Variants in BTBD9 observed in about 807,000 individuals in gnomAD.
The protein encoded by BTBD9 is BTB/POZ domain-containing protein 9.
In BTBD9, 49 loss-of-function variants were observed where a neutral mutation model predicts 64.3. That is an observed-to-expected ratio of 0.76 (90% CI 0.61 to 0.97). The LOEUF (loss-of-function observed/expected upper bound fraction) is 0.97. BTBD9 is among the 50% of genes least tolerant of loss of function. The probability of loss-of-function intolerance (pLI) is 0.00; values close to 1 mark genes in which losing one functional copy is unlikely to be tolerated. For missense variants in BTBD9, 598 were observed against 762.1 expected (o/e 0.78, Z 2.53); for synonymous variants, 260 against 274.7 (o/e 0.95, Z 0.53).
intron 6 of BTBD9, among the ~76,000 whole-genome samples, chr6:38,393,247 T>C (rs1246447364): frequency 6.6e-6 from 1 of 152,204 alleles, no homozygotes; most frequent in Admixed American, 6.5e-5. Context: ...TGTAGCCATA[T>C]TTAAGGCTAT....
chr6:38,584,579 C>T (rs1312775043), intron 4 of BTBD9, among the ~76,000 whole-genome samples: 4 of 152,054 alleles, frequency 2.6e-5, no homozygotes, highest in Non-Finnish European at 5.9e-5. Context: ...TATCTTTTAT[C>T]GAACTCTCTA....
At chr6:38,533,282 T>C (rs904463569) in intron 6 of BTBD9, among the ~76,000 whole-genome samples, 13 of 151,838 alleles carry the variant, frequency 8.6e-5, no homozygotes, top group Non-Finnish European at 1.8e-4. Flanking sequence ...TCAGACAAAA[T>C]AGATTTCAAG....
chr6:38,489,129 C>G (rs1771586938), intron 6 of BTBD9, among the ~76,000 whole-genome samples: 1 of 152,106 alleles, frequency 6.6e-6, no homozygotes, highest in South Asian at 2.1e-4. Flanking sequence ...TTCCTGGGCT[C>G]AAGTGATCCA....
intron 7 of BTBD9, among the ~76,000 whole-genome samples, chr6:38,298,150 T>C (rs937815499): frequency 3.3e-5 from 5 of 152,176 alleles, no homozygotes; most frequent in African/African-American, 1.2e-4. Flanking sequence ...CCACCACACC[T>C]GGCCTCTGCT....
intron 6 of BTBD9, among the ~76,000 whole-genome samples, chr6:38,501,940 G>A (rs531200172): frequency 4.1e-4 from 62 of 152,252 alleles, no homozygotes; most frequent in Non-Finnish European, 7.5e-4. Flanking sequence ...GACATATCCT[G>A]CATAAACAAA....
At position 38,491,727 on chromosome 6, in the gene BTBD9, C is replaced by T. The variant is rs149193170; in HGVS notation, c.1154+85873G>A. On this transcript the variant is annotated intron_variant, in intron 6 of 10. Transcript: ENST00000481247. ...AATCTCATTCTCAAATGAGAAGAAA[C>T]CACAAAGCAATGAGGCAATGAAGGA... is the stretch of plus-strand genomic sequence containing the variant. 2.5e-3 allele frequency among the ~76,000 whole-genome samples: 384 copies of T among 151,986 alleles called. 4 individuals are homozygous for T. Among genetic ancestry groups the T allele is most frequent in the African/African-American group, 8.3e-3 (344 of 41,468 alleles).
chr6:38,386,242 T>C (rs1766163040), intron 6 of BTBD9, among the ~76,000 whole-genome samples: 3 of 152,228 alleles, frequency 2.0e-5, no homozygotes, highest in African/African-American at 4.8e-5. Flanking sequence ...GAAATCTTCA[T>C]GTCAGAATAA....
intron 1 of BTBD9, among the ~76,000 whole-genome samples, chr6:38,633,534 A>G (rs1778429757): frequency 6.6e-6 from 1 of 152,220 alleles, no homozygotes; most frequent in South Asian, 2.1e-4. Context: ...TCAAGAAAAT[A>G]GGGACACAGA....
chr6:38,394,435 T>C (rs1351091973), intron 6 of BTBD9, among the ~76,000 whole-genome samples: 1 of 152,070 alleles, frequency 6.6e-6, no homozygotes, highest in Non-Finnish European at 1.5e-5. Flanking sequence ...AAGTTTTTTG[T>C]GGCAAGAAAG....
chr6:38,240,655 A>G (rs1287398112), intron 9 of BTBD9, among the ~76,000 whole-genome samples: 1 of 152,232 alleles, frequency 6.6e-6, no homozygotes, highest in Non-Finnish European at 1.5e-5. Flanking sequence ...AGAAATTCAT[A>G]AAGTTAATTA....
At chr6:38,295,315 C>T (rs1762118477) in intron 7 of BTBD9, among the ~76,000 whole-genome samples, 1 of 152,002 alleles carries the variant, frequency 6.6e-6, no homozygotes, top group Admixed American at 6.6e-5. Flanking sequence ...TAGGCAGGTG[C>T]CATCATGCCT....
chr6:38,396,083 A>T (rs1353043738), intron 6 of BTBD9, among the ~76,000 whole-genome samples: 1 of 152,196 alleles, frequency 6.6e-6, no homozygotes, highest in Non-Finnish European at 1.5e-5. Flanking sequence ...ATTTAAGATG[A>T]GAGGAAGGTG....
chr6:38,580,306 C>T lies in BTBD9; in HGVS notation c.946G>A (p.Asp316Asn). ...ATCTCGATGCCGGAACGGCAGTCAT[C>T]ATCAATTGGGTGCCTTGAAAATCCA... is the stretch of plus-strand genomic sequence containing the variant. ...DHGFSRHPIDDDCRSGIEIKL... is the reference protein window; with the variant it reads ...DHGFSRHPIDNDCRSGIEIKL... The change falls in exon 5 of 11, where the codon GAT (aspartate) becomes AAT (asparagine). Residue 316 changes from aspartate to asparagine, a missense_variant. Coordinates refer to ENST00000481247, the MANE Select transcript of BTBD9 (RefSeq NM_001099272.2). The T allele has an allele frequency of 6.2e-7, 1 of 1,614,228 alleles. No individual in the cohort carries two copies. The highest frequency in any genetic ancestry group is 8.5e-7 in the Non-Finnish European group (1 of 1,180,048).
intron 6 of BTBD9, among the ~76,000 whole-genome samples, chr6:38,506,334 A>G (rs573563644): frequency 6.6e-6 from 1 of 152,196 alleles, no homozygotes; most frequent in African/African-American, 2.4e-5. Context: ...ATTAGCCTAC[A>G]GTTGGGCAAA....
chr6:38,433,700 T>G (rs1442990301), intron 6 of BTBD9, among the ~76,000 whole-genome samples: 2 of 152,080 alleles, frequency 1.3e-5, no homozygotes, highest in East Asian at 3.9e-4. Flanking sequence ...ACACAAAGCC[T>G]GTTGGTGGTC....
At chr6:38,188,672 G>T (rs766968330) in intron 10 of BTBD9, among the ~76,000 whole-genome samples, 17 of 152,230 alleles carry the variant, frequency 1.1e-4, no homozygotes, top group Non-Finnish European at 2.2e-4. Context: ...ACTGATGCTT[G>T]TGTCCCTCCC....
At chr6:38,318,740 T>C (rs778279024) in intron 7 of BTBD9, among the ~76,000 whole-genome samples, 13 of 152,206 alleles carry the variant, frequency 8.5e-5, no homozygotes, top group Admixed American at 2.6e-4. Context: ...CACTGGGTCT[T>C]GCCCAAGGAC....
intron 6 of BTBD9, among the ~76,000 whole-genome samples, chr6:38,523,475 C>T (rs1188238721): frequency 6.6e-6 from 1 of 152,162 alleles, no homozygotes; most frequent in Non-Finnish European, 1.5e-5. Context: ...CCAAAGCCTA[C>T]TACCCTTGTG....
chr6:38,326,758 A>C (rs1370340266), intron 7 of BTBD9, among the ~76,000 whole-genome samples: 4 of 70,576 alleles, frequency 5.7e-5, no homozygotes, highest in Non-Finnish European at 1.1e-4. Flanking sequence ...GAATCACTGC[A>C]AAAAAAAAAA....
Sources: gnomAD v4.1 joint callset for allele counts (sites outside exome capture counted in the v4.1 genomes callset) on GRCh38, gnomAD v4.1.1 for gene constraint, MANE v1.5 for transcripts, NCBI Gene and HGNC (gene_info 2026-07-23, HGNC 2026-07-21) for gene names.